CDH13: variants seen among roughly 807,000 people sequenced by gnomAD.
CDH13 encodes the protein cadherin 13, also known as cadherin-13.
A neutral mutation model predicts 63.8 loss-of-function variants in CDH13; 24 were observed. That is an observed-to-expected ratio of 0.38 (90% confidence interval 0.27 to 0.53). The LOEUF (loss-of-function observed/expected upper bound fraction) is 0.53, where lower values mean the gene tolerates loss of function less well. Ranked by LOEUF, CDH13 falls within the 20% of genes least tolerant of loss-of-function variation. The probability of loss-of-function intolerance (pLI) is 0.85; values close to 1 mark genes in which losing one functional copy is unlikely to be tolerated. For missense variants in CDH13, 1,049 were observed against 903.1 expected (o/e 1.16, Z -2.07); for synonymous variants, 503 against 355.3 (o/e 1.42, Z -4.67).
chr16:83,099,382 G>A (rs975139941), intron 3 of CDH13, among the ~76,000 whole-genome samples: 4 of 151,684 alleles, frequency 2.6e-5, no homozygotes, highest in East Asian at 2.0e-4. Context: ...GGAGTGCAAC[G>A]GTGCAATCTC....
At chr16:83,227,705 T>C (rs996720587) in intron 5 of CDH13, among the ~76,000 whole-genome samples, 2 of 152,082 alleles carry the variant, frequency 1.3e-5, no homozygotes, top group Non-Finnish European at 2.9e-5. Context: ...CTGAGTCTTC[T>C]CTTCCAGTCT....
Position 82,706,152 on chromosome 16 carries a change from C to G in CDH13, c.45+79015C>G, listed in dbSNP as rs186901535. ...CCATCTTCTTTCCCTTTCTTTCCGCCTCCCTTCTCCCTTTTTCGCTCCCTC... is the reference window on the plus strand; with the variant it reads ...CCATCTTCTTTCCCTTTCTTTCCGCGTCCCTTCTCCCTTTTTCGCTCCCTC... On this transcript the variant is annotated intron_variant, in intron 1 of 13. Coordinates refer to ENST00000567109, the MANE Select transcript of CDH13 (RefSeq NM_001257.5). 1.6e-4 allele frequency among the ~76,000 whole-genome samples: 24 copies of G among 152,016 alleles called. 1 individual carries two copies. Among genetic ancestry groups the G allele is most frequent in the Admixed American group, 1.6e-3 (24 of 15,254 alleles).
At chr16:82,854,628 C>G (rs1327317398) in intron 1 of CDH13, among the ~76,000 whole-genome samples, 3 of 152,116 alleles carry the variant, frequency 2.0e-5, no homozygotes, top group Non-Finnish European at 4.4e-5. Flanking sequence ...AAAGATGAGT[C>G]TGCATTCTTC....
At chr16:83,322,442 C>G (rs2090251785) in intron 5 of CDH13, among the ~76,000 whole-genome samples, 1 of 152,198 alleles carries the variant, frequency 6.6e-6, no homozygotes, top group Non-Finnish European at 1.5e-5. Context: ...GGTGATGATT[C>G]ATTTGTTCAT....
At chr16:83,439,516 T>C (rs2072421454) in intron 6 of CDH13, among the ~76,000 whole-genome samples, 1 of 152,186 alleles carries the variant, frequency 6.6e-6, no homozygotes, top group Non-Finnish European at 1.5e-5. Context: ...TTCGGAAGCA[T>C]GGGTAGTTCT....
intron 6 of CDH13, among the ~76,000 whole-genome samples, chr16:83,462,604 AT>A (rs922494889): frequency 3.9e-5 from 6 of 152,284 alleles, no homozygotes; most frequent in East Asian, 1.9e-4. Flanking sequence ...TACAAAAAAA[AT>A]AAATTAGCCA....
intron 7 of CDH13, among the ~76,000 whole-genome samples, chr16:83,569,554 G>T (rs1246974211): frequency 3.3e-5 from 5 of 152,090 alleles, no homozygotes; most frequent in Non-Finnish European, 5.9e-5. Flanking sequence ...TTTTCTAAAA[G>T]TATCTTACAC....
rs376250013 is a variant in CDH13, at chr16:82,969,593, A to C, written c.158-62417A>C. On this transcript the variant is annotated intron_variant, in intron 2 of 13. Transcript: ENST00000567109. ...GCAATATTGACAATTTGAACTAGGT[A>C]ATCTTTTGTTGTGAGGGAGTACATT... is the stretch of plus-strand genomic sequence containing the variant. 6.6e-5 allele frequency among the ~76,000 whole-genome samples: 10 copies of C among 151,178 alleles called. No homozygotes were observed. The East Asian group carries it at 1.6e-3, about 24-fold the overall frequency.
chr16:82,987,450 C>T (rs960885757), intron 2 of CDH13, among the ~76,000 whole-genome samples: 6 of 152,122 alleles, frequency 3.9e-5, no homozygotes, highest in African/African-American at 9.7e-5. Flanking sequence ...GATCCTGGCT[C>T]ATTGCAACCT....
At chr16:83,232,163 C>T (rs190322336) in intron 5 of CDH13, among the ~76,000 whole-genome samples, 1 of 147,130 alleles carries the variant, frequency 6.8e-6, no homozygotes, top group Non-Finnish European at 1.5e-5. Flanking sequence ...ACAAGTTTGC[C>T]TGTGTAACAA....
At chr16:82,768,022 G>A (rs376243967) in intron 1 of CDH13, among the ~76,000 whole-genome samples, 48 of 152,268 alleles carry the variant, frequency 3.2e-4, no homozygotes, top group African/African-American at 1.0e-3. Context: ...AGTCATGGGC[G>A]TGCCTTGGGT....
chr16:83,080,960 C>A (rs2033209394), intron 3 of CDH13, among the ~76,000 whole-genome samples: 1 of 137,274 alleles, frequency 7.3e-6, no homozygotes. Context: ...TGGCTCACCG[C>A]AACCTCTGCC....
chr16:83,090,222 G>C (rs2033825486), intron 3 of CDH13, among the ~76,000 whole-genome samples: 1 of 152,028 alleles, frequency 6.6e-6, no homozygotes, highest in Admixed American at 6.5e-5. Context: ...CTCCAGCCCA[G>C]TCTACAGCAT....
At chr16:83,251,170 T>C (rs1905482652) in intron 5 of CDH13, among the ~76,000 whole-genome samples, 1 of 152,138 alleles carries the variant, frequency 6.6e-6, no homozygotes, top group African/African-American at 2.4e-5. Context: ...ATTTGTAAGA[T>C]ATTGCCATTG....
intron 5 of CDH13, among the ~76,000 whole-genome samples, chr16:83,266,079 G>T (rs931172370): frequency 6.6e-6 from 1 of 152,088 alleles, no homozygotes; most frequent in African/African-American, 2.4e-5. Context: ...TGAGATTACA[G>T]GCGCCTGCCA....
At chr16:83,398,429 C>T (rs1429376461) in intron 6 of CDH13, among the ~76,000 whole-genome samples, 1 of 152,148 alleles carries the variant, frequency 6.6e-6, no homozygotes, top group Non-Finnish European at 1.5e-5. Flanking sequence ...TGTCCCTCTG[C>T]CTTTCTGTTA....
At chr16:83,097,989 A>T (rs1057022887) in intron 3 of CDH13, among the ~76,000 whole-genome samples, 10 of 152,226 alleles carry the variant, frequency 6.6e-5, no homozygotes, top group Non-Finnish European at 1.0e-4. Context: ...GTCAAGAAGC[A>T]TATCTGGATG....
At chr16:83,273,551 C>T (rs958799087) in intron 5 of CDH13, among the ~76,000 whole-genome samples, 13 of 152,050 alleles carry the variant, frequency 8.5e-5, no homozygotes, top group South Asian at 2.1e-4. Context: ...CAAAAAAGAA[C>T]GAGATCATGT....
In CDH13 at chr16:83,569,940, T is replaced by C. The variant is rs538377134; in HGVS notation, c.961-32514T>C. Among the ~76,000 whole-genome samples, 28 of 152,280 alleles carry C rather than the reference T, an allele frequency of 1.8e-4. No homozygotes were observed. The South Asian group carries it at 5.2e-3, about 28-fold the overall frequency. ...TTAATAGAGACAGGGTTTCACCATA[T>C]TGGCCAGGTTGGTCTCGAACTCCTG... On this transcript the variant is annotated intron_variant, in intron 7 of 13. Coordinates refer to ENST00000567109, the MANE Select transcript of CDH13 (RefSeq NM_001257.5).
Sources: allele counts gnomAD v4.1 joint callset (sites outside exome capture counted in the v4.1 genomes callset), GRCh38; gene constraint gnomAD v4.1.1; transcripts MANE v1.5; gene names NCBI Gene and HGNC (gene_info 2026-07-23, HGNC 2026-07-21).